Variants in JPH4 observed in about 807,000 individuals in gnomAD.
The protein encoded by JPH4 is junctophilin-4.
A neutral mutation model predicts 57.6 loss-of-function variants in JPH4; 18 were observed. That is an observed-to-expected ratio of 0.31 (90% CI 0.22 to 0.46). The LOEUF (loss-of-function observed/expected upper bound fraction) is 0.46. JPH4 is among the 20% of genes least tolerant of loss of function. JPH4 has a pLI of 1.00. For synonymous variants in JPH4, 425 were observed against 406.6 expected, an observed-to-expected ratio of 1.05 and a Z score of -0.54; for missense variants, 727 against 911.1, an observed-to-expected ratio of 0.80 and a Z score of 2.60.
Position 23,577,298 on chromosome 14 carries a change from G to A in JPH4, c.156C>T (p.Val52=), listed in dbSNP as rs1317897291. 6.5e-7 allele frequency: 1 copy of A among 1,537,402 alleles called. No homozygotes were observed. The highest frequency in any genetic ancestry group is 8.7e-7 in the Non-Finnish European group (1 of 1,145,214). ...CWAHGFESLG[V]FTGPGGHSYQ... Reference sequence around the variant, plus strand: ...AGCTGTGTCCGCCGGGCCCCGTGAAGACGCCCAGTGACTCGAAGCCGTGTG... The same window carrying A: ...AGCTGTGTCCGCCGGGCCCCGTGAAAACGCCCAGTGACTCGAAGCCGTGTG... The change falls in exon 2 of 6, where the codon GTC becomes GTT. Residue 52 remains valine (V), a synonymous_variant. Transcript: ENST00000356300. The surrounding 1 kb of genome is among the most constrained non-coding windows in gnomAD (Gnocchi z 8.4).
rs1889062579 is a variant in JPH4, at chr14:23,569,991, C to T, written c.1804-274G>A. Among the ~76,000 whole-genome samples the T allele has an allele frequency of 6.6e-6, 1 of 152,130 alleles. No individual in the cohort carries two copies. The highest frequency in any genetic ancestry group is 1.5e-5 in the Non-Finnish European group (1 of 68,032). On this transcript the variant is annotated intron_variant, in intron 5 of 5. Coordinates refer to ENST00000356300, the MANE Select transcript of JPH4 (RefSeq NM_001146028.2). The surrounding 1 kb of genome is among the most constrained non-coding windows in gnomAD (Gnocchi z 4.8). ...ATCATGTGTCCCAGGCAGGAGGTGC[C>T]TGGCCTTAGTAGCAGACATTGGCAG...
chr14:23,576,078 C>T lies in JPH4; in HGVS notation c.758G>A (p.Gly253Asp). 7.7e-7 allele frequency: 1 copy of T among 1,306,892 alleles called. No individual in the cohort carries two copies. Among genetic ancestry groups the T allele is most frequent in the East Asian group, 3.2e-5 (1 of 31,582 alleles). 81.0% of individuals were successfully genotyped at this position (1,306,892 alleles called of 1,614,324 possible). Residue 253 changes from glycine (G) to aspartate (D), a missense_variant, in exon 3 of 6, where the codon GGC becomes GAC. Physicochemically the swap from Gly to Asp is moderately conservative, Grantham distance 94. Coordinates refer to ENST00000356300, the MANE Select transcript of JPH4 (RefSeq NM_001146028.2). The surrounding 1 kb of genome is among the most constrained non-coding windows in gnomAD (Gnocchi z 8.0). ...SLRSEVSSEV[G>D]STGPPGSEAS... ...CTCCGAGCCGGGCGGTCCGGTGCTG[C>T]CCACCTCGCTGCTCACCTCGCTGCG...
chr14:23,573,619 T>G (rs1595394518), intron 3 of JPH4, among the ~76,000 whole-genome samples: 1 of 152,202 alleles, frequency 6.6e-6, no homozygotes, highest in East Asian at 1.9e-4. Flanking sequence ...TCAGGCTACC[T>G]GGCAGAGGCA....
intron 3 of JPH4, chr14:23,572,777 A>G: frequency 1.5e-6 from 1 of 670,182 alleles, no homozygotes; most frequent in Non-Finnish European, 2.7e-6. Context: ...CTTTCTCACC[A>G]TTGCAACTAC....
rs112869197 is a variant in JPH4 at position 23,574,797 on chromosome 14, T to A, written c.1151+888A>T. 5.5e-3 allele frequency among the ~76,000 whole-genome samples: 834 copies of A among 152,328 alleles called. 14 individuals are homozygous for A. The highest frequency in any genetic ancestry group is 0.019 in the African/African-American group (800 of 41,574). On this transcript the variant is annotated intron_variant, in intron 3 of 5. Transcript: ENST00000356300. ...TAAAATTCATCACACCTGCTTTTTT[T>A]AATTTTCTATTCCGTTGTTTGTTTG...
At position 23,568,919 on chromosome 14, in the gene JPH4, C is replaced by A; in HGVS notation, c.*715G>T. 2.0e-6 allele frequency: 1 copy of A among 503,878 alleles called. No homozygotes were observed. Among genetic ancestry groups the A allele is most frequent in the Non-Finnish European group, 2.6e-6 (1 of 389,870 alleles). The allele number at this position is 503,878 out of a possible 1,614,324, so 31.2% of individuals were successfully genotyped here. ...CGTTGCTCTTGGCATGGCATGCCAC[C>A]AGAGGGGGCTGGAGGAGGGGCTGGC... On this transcript the variant is annotated 3_prime_UTR_variant, in exon 6 of 6. Transcript: ENST00000356300.
At position 23,578,379 on chromosome 14, in the gene JPH4, G is replaced by C. The variant is rs1030329617; in HGVS notation, c.-371C>G. The C allele has an allele frequency of 6.6e-6, 1 of 151,918 alleles. No homozygotes were observed. The highest frequency in any genetic ancestry group is 1.5e-5 in the Non-Finnish European group (1 of 68,072). 9.4% of individuals were successfully genotyped at this position (151,918 alleles called of 1,614,324 possible). On this transcript the variant is annotated 5_prime_UTR_variant, in exon 1 of 6. Transcript: ENST00000356300. ...GGCTGGGTGGGGGGGCGAGGTAGTG[G>C]CAAGGGTGGGGGAAGATGAGAATAG...
Position 23,577,262 on chromosome 14 carries a change from G to C in JPH4, c.192C>G (p.His64Gln), listed in dbSNP as rs1249166846. The change falls in exon 2 of 6, where the codon CAC becomes CAG. Residue 64 changes from histidine (H) to glutamine (Q), a missense_variant. Coordinates refer to ENST00000356300, the MANE Select transcript of JPH4 (RefSeq NM_001146028.2). This position sits in a 1 kb window ranked among gnomAD's most constrained non-coding sequence, Gnocchi z 8.4. ...TGPGGHSYQG[H>Q]WQQGKREGLG... ...GCCCTTCGCGCTTGCCCTGCTGCCA[G>C]TGGCCCTGGTAGCTGTGTCCGCCGG... 1 of 1,537,168 alleles carries C rather than the reference G, an allele frequency of 6.5e-7. No individual in the cohort carries two copies. The highest frequency in any genetic ancestry group is 8.7e-7 in the Non-Finnish European group (1 of 1,145,084).
Position 23,576,978 on chromosome 14 carries a change from A to T in JPH4, c.379+97T>A, listed in dbSNP as rs147617567. The T allele has an allele frequency of 8.9e-6, 12 of 1,354,788 alleles. No individual in the cohort carries two copies. Among genetic ancestry groups the T allele is most frequent in the Non-Finnish European group, 1.2e-5 (12 of 1,038,512 alleles). The allele number at this position is 1,354,788 out of a possible 1,614,324, so 83.9% of individuals were successfully genotyped here. On this transcript the variant is annotated intron_variant, in intron 2 of 5. Coordinates refer to ENST00000356300, the MANE Select transcript of JPH4 (RefSeq NM_001146028.2). The surrounding 1 kb of genome is among the most constrained non-coding windows in gnomAD (Gnocchi z 8.0). ...ATGGGGAATGGTGGCGGGGGAAAGA[A>T]GGATGGGCGCAAGGGCGCAAATGGC...
In JPH4 at chr14:23,569,144, T is replaced by C. The variant is rs1386501595; in HGVS notation, c.*490A>G. On this transcript the variant is annotated 3_prime_UTR_variant, in exon 6 of 6. Transcript: ENST00000356300. This position sits in a 1 kb window ranked among gnomAD's most constrained non-coding sequence, Gnocchi z 4.8. The stretch of plus-strand genomic sequence containing the variant: ...CAGAGGGACAGCAGGCCCCTTAGGC[T>C]AGGGAGCCACAGCAGCTCAGCCAGT... 1.1e-5 allele frequency: 2 copies of C among 186,406 alleles called. No individual in the cohort carries two copies. Among genetic ancestry groups the C allele is most frequent in the African/African-American group, 4.8e-5 (2 of 41,580 alleles). 11.5% of individuals were successfully genotyped at this position (186,406 alleles called of 1,614,324 possible). A position where few individuals can be genotyped will look rare whatever the true frequency, so the allele number is the denominator to read the frequency against.
In JPH4 at chr14:23,575,829, C is replaced by A; in HGVS notation, c.1007G>T (p.Arg336Leu). The change falls in exon 3 of 6, where the codon CGG becomes CTG. Residue 336 changes from arginine to leucine, a missense_variant. Around this residue, in one of 7 missense-constraint regions of JPH4, gnomAD observed 112 missense variants for 199.4 expected, o/e 0.56. Transcript: ENST00000356300. This position sits in a 1 kb window ranked among gnomAD's most constrained non-coding sequence, Gnocchi z 6.9. ...GCGGACGCGCCCGCCGTGCACCAGC[C>A]GGTTGCGCTTGTACTTGCCCTCCTC... Reference protein sequence around the residue: ...SREEGKYKRNRLVHGGRVRSL... With the variant: ...SREEGKYKRNLLVHGGRVRSL... The A allele has an allele frequency of 6.3e-7, 1 of 1,587,864 alleles. No individual in the cohort carries two copies. The highest frequency in any genetic ancestry group is 1.1e-5 in the South Asian group (1 of 87,554).
In JPH4 at chr14:23,576,390, T is replaced by A; in HGVS notation, c.446A>T (p.Tyr149Phe). The A allele has an allele frequency of 7.2e-7, 1 of 1,394,474 alleles. No homozygotes were observed. Among genetic ancestry groups the A allele is most frequent in the Middle Eastern group, 2.3e-4 (1 of 4,260 alleles). The allele number at this position is 1,394,474 out of a possible 1,614,324, so 86.4% of individuals were successfully genotyped here. A position where few individuals can be genotyped will look rare whatever the true frequency, so the allele number is the denominator to read the frequency against. Residue 149 changes from tyrosine (Y) to phenylalanine (F), a missense_variant, in exon 3 of 6, where the codon TAC (tyrosine) becomes TTC (phenylalanine). Physicochemically the swap from Tyr to Phe is conservative, Grantham distance 22. Around this residue, in one of 7 missense-constraint regions of JPH4, gnomAD observed 90 missense variants for 88.1 expected, o/e 1.02. Coordinates refer to ENST00000356300, the MANE Select transcript of JPH4 (RefSeq NM_001146028.2). This position sits in a 1 kb window ranked among gnomAD's most constrained non-coding sequence, Gnocchi z 8.0. The stretch of plus-strand genomic sequence containing the variant: ...CGAGCGCAGCAGCGCCGCCTGATGG[T>A]AGGGCACACTCTGGCGTACCCCGTA... The part of the protein sequence containing the change: ...HGYGVRQSVP[Y>F]HQAALLRSPR...
chr14:23,571,701 C>T lies in JPH4; in HGVS notation c.1270+101G>A. ...ACCCTCATTCCTTGTTTTTTCCCAT[C>T]CCCACTTCCCTTGCAGGGCTTCTCA... is the stretch of plus-strand genomic sequence containing the variant. On this transcript the variant is annotated intron_variant, in intron 4 of 5. Transcript: ENST00000356300. The surrounding 1 kb of genome is among the most constrained non-coding windows in gnomAD (Gnocchi z 4.6). 6 of 1,200,818 alleles carry T rather than the reference C, an allele frequency of 5.0e-6. No homozygotes were observed. The highest frequency in any genetic ancestry group is 7.1e-6 in the Non-Finnish European group (6 of 839,650). 74.4% of individuals were successfully genotyped at this position (1,200,818 alleles called of 1,614,324 possible).
rs1028102012 is a variant in JPH4 at position 23,577,115 on chromosome 14, A to C, written c.339T>G (p.Gly113=). 7.7e-6 allele frequency: 12 copies of C among 1,563,862 alleles called. No individual in the cohort carries two copies. The highest frequency in any genetic ancestry group is 1.4e-5 in the African/African-American group (1 of 73,200). Residue 113 remains glycine, a synonymous_variant, in exon 2 of 6, where the codon GGT becomes GGG. Coordinates refer to ENST00000356300, the MANE Select transcript of JPH4 (RefSeq NM_001146028.2). This position sits in a 1 kb window ranked among gnomAD's most constrained non-coding sequence, Gnocchi z 8.4. ...GLRYAGLWKD[G]FQDGYGTETY... is the part of the protein sequence containing the mutation. ...TCTCAGTGCCGTAGCCGTCCTGGAAACCGTCCTTCCAGAGCCCGGCGTAGC... is the reference window on the plus strand; with the variant it reads ...TCTCAGTGCCGTAGCCGTCCTGGAACCCGTCCTTCCAGAGCCCGGCGTAGC...
chr14:23,577,392 G>A lies in JPH4; in HGVS notation c.62C>T (p.Ala21Val), dbSNP rs1889301527. ...CACGCCGTAGCCATGTGCCCGCCCC[G>A]CCTCCCAGCCCCCCACGTAGCAGCC... ...DGGCYVGGWEAGRAHGYGVCT... is the reference protein window; with the variant it reads ...DGGCYVGGWEVGRAHGYGVCT... The change falls in exon 2 of 6, where the codon GCG becomes GTG. Residue 21 changes from alanine (A) to valine (V), a missense_variant. Ala to Val is a moderately conservative substitution (Grantham distance 64). Around this residue, in one of 7 missense-constraint regions of JPH4, gnomAD observed 83 missense variants for 135.4 expected, o/e 0.61. Coordinates refer to ENST00000356300, the MANE Select transcript of JPH4 (RefSeq NM_001146028.2). This position sits in a 1 kb window ranked among gnomAD's most constrained non-coding sequence, Gnocchi z 8.4. 2.0e-6 allele frequency: 3 copies of A among 1,482,326 alleles called. No individual in the cohort carries two copies. Among genetic ancestry groups the A allele is most frequent in the Admixed American group, 2.3e-5 (1 of 44,216 alleles). 91.8% of individuals were successfully genotyped at this position (1,482,326 alleles called of 1,614,324 possible). A position where few individuals can be genotyped will look rare whatever the true frequency, so the allele number is the denominator to read the frequency against.
chr14:23,577,043 G>T lies in JPH4; in HGVS notation c.379+32C>A, dbSNP rs777904309. On this transcript the variant is annotated intron_variant, in intron 2 of 5. Coordinates refer to ENST00000356300, the MANE Select transcript of JPH4 (RefSeq NM_001146028.2). The surrounding 1 kb of genome is among the most constrained non-coding windows in gnomAD (Gnocchi z 8.4). ...GGCTGGGGAAGGCGCACGCGGACGAGCAGACAGACACTGGTGGGCCGGGCC... is the reference window on the plus strand; with the variant it reads ...GGCTGGGGAAGGCGCACGCGGACGATCAGACAGACACTGGTGGGCCGGGCC... 11 of 1,480,320 alleles carry T rather than the reference G, an allele frequency of 7.4e-6. No homozygotes were observed. The highest frequency in any genetic ancestry group is 9.8e-6 in the Non-Finnish European group (11 of 1,118,990). 91.7% of individuals were successfully genotyped at this position (1,480,320 alleles called of 1,614,324 possible).
intron 3 of JPH4, among the ~76,000 whole-genome samples, chr14:23,573,586 C>G (rs1889202438): frequency 6.6e-6 from 1 of 152,186 alleles, no homozygotes; most frequent in African/African-American, 2.4e-5. Context: ...AGTCTGTGCT[C>G]AGGCATCAGA....
In JPH4 at chr14:23,576,337, G is replaced by T; in HGVS notation, c.499C>A (p.His167Asn). 7.7e-7 allele frequency: 1 copy of T among 1,304,090 alleles called. No individual in the cohort carries two copies. Among genetic ancestry groups the T allele is most frequent in the Non-Finnish European group, 9.7e-7 (1 of 1,029,248 alleles). The allele number at this position is 1,304,090 out of a possible 1,614,324, so 80.8% of individuals were successfully genotyped here. ...SPRRTSLDSG[H>N]SDPPTPPPPL... The stretch of plus-strand genomic sequence containing the variant: ...GGGGGTGGCGTCGGGGGGTCGCTGT[G>T]GCCGGAATCCAGGGAGGTGCGGCGG... The change falls in exon 3 of 6, where the codon CAC (histidine) becomes AAC (asparagine). Residue 167 changes from histidine to asparagine, a missense_variant. Coordinates refer to ENST00000356300, the MANE Select transcript of JPH4 (RefSeq NM_001146028.2). This position sits in a 1 kb window ranked among gnomAD's most constrained non-coding sequence, Gnocchi z 8.0.
rs1595393770 is a variant in JPH4 at position 23,572,016 on chromosome 14, C to T, written c.1152-96G>A. Reference sequence around the variant, plus strand: ...AGCCCCCTAGCCCCTGTCCCCTCTACATCACATCCTCCTCTCCTCTGGAGT... The same window carrying T: ...AGCCCCCTAGCCCCTGTCCCCTCTATATCACATCCTCCTCTCCTCTGGAGT... On this transcript the variant is annotated intron_variant, in intron 3 of 5. Transcript: ENST00000356300. The T allele has an allele frequency of 3.9e-6, 4 of 1,029,346 alleles. No individual in the cohort carries two copies. The South Asian group carries it at 5.5e-5, about 14-fold the overall frequency. The allele number at this position is 1,029,346 out of a possible 1,614,324, so 63.8% of individuals were successfully genotyped here.
Sources: gnomAD v4.1 joint callset for allele counts (sites outside exome capture counted in the v4.1 genomes callset) on GRCh38, gnomAD v4.1.1 for gene constraint, gnomAD v4.1.1 regional missense constraint, Gnocchi (gnomAD v3.1) non-coding constraint, MANE v1.5 for transcripts, NCBI Gene and HGNC (gene_info 2026-07-23, HGNC 2026-07-21) for gene names.